Variants in DCLK2 observed in about 807,000 individuals in gnomAD.
DCLK2 encodes doublecortin like kinase 2, also known as serine/threonine-protein kinase DCLK2.
DCLK2 carries 31 observed loss-of-function variants against 78.4 expected under a neutral mutation model. The observed-to-expected ratio is 0.40, with a 90% confidence interval of 0.30 to 0.53. The LOEUF (loss-of-function observed/expected upper bound fraction) is 0.53. Among genes scored for constraint, DCLK2 ranks in the 20% least tolerant of loss-of-function variants. The pLI is 0.61. For missense variants in DCLK2, 872 were observed against 973.7 expected, an observed-to-expected ratio of 0.90 and a Z score of 1.39; for synonymous variants, 407 against 374.9, an observed-to-expected ratio of 1.09 and a Z score of -0.99.
intron 15 of DCLK2, among the ~76,000 whole-genome samples, chr4:150,254,265 CA>C (rs1049798785): frequency 6.6e-5 from 10 of 152,212 alleles, no homozygotes; most frequent in African/African-American, 2.4e-4. Context: ...TGCCTTGTTT[CA>C]GGGGGAAGTT....
intron 5 of DCLK2, among the ~76,000 whole-genome samples, chr4:150,208,576 G>A (rs1740035985): frequency 1.3e-5 from 2 of 152,010 alleles, no homozygotes; most frequent in South Asian, 4.1e-4. Flanking sequence ...CAGGAAAAAG[G>A]GTTGAGAGAT....
chr4:150,219,869 T>C lies in DCLK2; in HGVS notation c.1057-834T>C, dbSNP rs149770509. On this transcript the variant is annotated intron_variant, in intron 5 of 15. Coordinates refer to ENST00000296550, the MANE Select transcript of DCLK2 (RefSeq NM_001040260.4). ...GACAAGTAGGTAGGGGGACAGATCA[T>C]GGCCCGAATGCCATGCTGAAGATTT... is the stretch of plus-strand genomic sequence containing the variant. 4.6e-3 allele frequency among the ~76,000 whole-genome samples: 698 copies of C among 152,334 alleles called. 9 individuals are homozygous for C. Among genetic ancestry groups the C allele is most frequent in the African/African-American group, 0.016 (663 of 41,590 alleles).
rs544612667 is a variant in DCLK2, at chr4:150,245,926, T to A, written c.1779-1677T>A. 7.9e-5 allele frequency among the ~76,000 whole-genome samples: 12 copies of A among 152,342 alleles called. No individual in the cohort carries two copies. The East Asian group carries it at 2.3e-3, about 29-fold the overall frequency. ...TACTGGGTATATACCCAAAGGATTA[T>A]AAATCATGCTTCTATAAAGACACAT... On this transcript the variant is annotated intron_variant, in intron 12 of 15. Coordinates refer to ENST00000296550, the MANE Select transcript of DCLK2 (RefSeq NM_001040260.4).
At chr4:150,236,418 C>T (rs1418125000) in intron 10 of DCLK2, among the ~76,000 whole-genome samples, 1 of 152,190 alleles carries the variant, frequency 6.6e-6, no homozygotes, top group Non-Finnish European at 1.5e-5. Context: ...TGCTGTGCGC[C>T]TCAGTCTCCT....
chr4:150,142,562 A>G (rs1300085585), intron 2 of DCLK2, among the ~76,000 whole-genome samples: 1 of 152,108 alleles, frequency 6.6e-6, no homozygotes, highest in African/African-American at 2.4e-5. Flanking sequence ...GTTTCCTGTG[A>G]TATTTGTTGG....
At chr4:150,250,050 AAT>A (rs1425655623) in intron 15 of DCLK2, among the ~76,000 whole-genome samples, 2 of 152,286 alleles carry the variant, frequency 1.3e-5, no homozygotes, top group East Asian at 3.9e-4. Flanking sequence ...AGGCCTCAGA[AAT>A]AGATTATTAG....
intron 1 of DCLK2, among the ~76,000 whole-genome samples, chr4:150,090,407 A>T (rs1487897954): frequency 6.7e-6 from 1 of 149,790 alleles, no homozygotes. Flanking sequence ...TCAAAACTCC[A>T]TCTCAAAATA....
intron 2 of DCLK2, among the ~76,000 whole-genome samples, chr4:150,141,872 T>C (rs1734130670): frequency 6.6e-6 from 1 of 152,230 alleles, no homozygotes; most frequent in Admixed American, 6.5e-5. Flanking sequence ...CGTGATTTAA[T>C]ACCCTGGAAT....
rs368750958 is a variant in DCLK2, at chr4:150,100,276, T to C, written c.422-2202T>C. Among the ~76,000 whole-genome samples the C allele has an allele frequency of 2.0e-5, 3 of 152,232 alleles. No homozygotes were observed. The South Asian group carries it at 6.2e-4, about 32-fold the overall frequency. On this transcript the variant is annotated intron_variant, in intron 1 of 15. Transcript: ENST00000296550. ...GAGAATGGGAAGGAATTAAAATTTA[T>C]CTGTAATTGCACAAAAGCAAATTAA...
Position 150,102,514 on chromosome 4 carries a change from G to T in DCLK2, c.458G>T (p.Arg153Leu). 6 of 1,613,948 alleles carry T rather than the reference G, an allele frequency of 3.7e-6. No homozygotes were observed. The highest frequency in any genetic ancestry group is 5.1e-6 in the Non-Finnish European group (6 of 1,179,886). The change falls in exon 2 of 16, where the codon CGT (arginine) becomes CTT (leucine). Residue 153 changes from arginine to leucine, a missense_variant. Arg to Leu is a moderately radical substitution (Grantham distance 102). Around this residue, in one of 3 missense-constraint regions of DCLK2, gnomAD observed 567 missense variants for 593.4 expected, o/e 0.96. Transcript: ENST00000296550. Reference protein sequence around the residue: ...SYVCASNEPFRKVDYTKNINP... With the variant: ...SYVCASNEPFLKVDYTKNINP... ...GTGTGTGCATCCAATGAACCATTTC[G>T]TAAAGTCGATTACACCAAAAATATT...
chr4:150,098,900 T>C (rs890247011), intron 1 of DCLK2, among the ~76,000 whole-genome samples: 21 of 152,220 alleles, frequency 1.4e-4, no homozygotes, highest in African/African-American at 4.8e-4. Context: ...TTCACCGTGT[T>C]GGCCAGGCTG....
chr4:150,147,233 G>A (rs1416534723), intron 2 of DCLK2, among the ~76,000 whole-genome samples: 2 of 152,182 alleles, frequency 1.3e-5, no homozygotes, highest in East Asian at 1.9e-4. Flanking sequence ...AGGAGTTCAA[G>A]GTTACAGTGA....
chr4:150,186,451 A>G (rs1737941155), intron 2 of DCLK2, among the ~76,000 whole-genome samples: 1 of 152,154 alleles, frequency 6.6e-6, no homozygotes, highest in Non-Finnish European at 1.5e-5. Context: ...TATTCCCATA[A>G]TAGTCAGGGT....
chr4:150,145,358 T>G (rs534105759), intron 2 of DCLK2, among the ~76,000 whole-genome samples: 1 of 152,244 alleles, frequency 6.6e-6, no homozygotes, highest in South Asian at 2.1e-4. Context: ...TTGGGCTGGT[T>G]TTTTAATCTT....
intron 15 of DCLK2, among the ~76,000 whole-genome samples, chr4:150,254,189 G>A (rs944704816): frequency 1.8e-4 from 28 of 152,346 alleles, no homozygotes; most frequent in African/African-American, 5.8e-4. Flanking sequence ...GCCGTCACTC[G>A]GCGCCTGCGG....
chr4:150,197,997 T>C lies in DCLK2; in HGVS notation c.860-5T>C, dbSNP rs1044466893. 1.2e-6 allele frequency: 2 copies of C among 1,604,906 alleles called. No individual in the cohort carries two copies. The highest frequency in any genetic ancestry group is 2.7e-5 in the African/African-American group (2 of 74,270). On this transcript the variant is annotated splice_region_variant and splice_polypyrimidine_tract_variant and intron_variant, in intron 3 of 15. Transcript: ENST00000296550. Reference sequence around the variant, plus strand: ...TTTAGTTAATGCACTTTTGTTCTTTTCTAGAATGTCGTGTCCTGAAGTCAT... The same window carrying C: ...TTTAGTTAATGCACTTTTGTTCTTTCCTAGAATGTCGTGTCCTGAAGTCAT...
chr4:150,149,010 C>T (rs1734683470), intron 2 of DCLK2, among the ~76,000 whole-genome samples: 1 of 139,396 alleles, frequency 7.2e-6, no homozygotes, highest in Non-Finnish European at 1.5e-5. Flanking sequence ...TGCACTCCAG[C>T]CTGGGCGAAA....
At chr4:150,198,757 C>T (rs1273585256) in intron 4 of DCLK2, among the ~76,000 whole-genome samples, 2 of 152,048 alleles carry the variant, frequency 1.3e-5, no homozygotes, top group African/African-American at 4.8e-5. Flanking sequence ...ATATCATTTC[C>T]TCTGAAGGAA....
chr4:150,166,723 C>T (rs1736109627), intron 2 of DCLK2, among the ~76,000 whole-genome samples: 1 of 150,892 alleles, frequency 6.6e-6, no homozygotes, highest in South Asian at 2.2e-4. Context: ...GAGCAAGGCA[C>T]TCCAAGCAGT....
Sources: gnomAD v4.1 joint callset for allele counts (sites outside exome capture counted in the v4.1 genomes callset) on GRCh38, gnomAD v4.1.1 for gene constraint, gnomAD v4.1.1 regional missense constraint, MANE v1.5 for transcripts, NCBI Gene and HGNC (gene_info 2026-07-23, HGNC 2026-07-21) for gene names.